SGSM1: variants seen among roughly 807,000 people sequenced by gnomAD.
The protein encoded by SGSM1 is small G protein signaling modulator 1, also known as RUN and TBC1 domain containing 2.
In SGSM1, 73 loss-of-function variants were observed where a neutral mutation model predicts 133.8. The ratio of observed to expected loss-of-function variants is 0.55; its 90% CI spans 0.45 to 0.66. SGSM1 has a LOEUF of 0.66. Among genes scored for constraint, SGSM1 ranks in the 30% least tolerant of loss-of-function variants. The pLI is 0.00. For missense variants in SGSM1, 1,213 were observed against 1,448.1 expected (o/e 0.84, Z 2.64); for synonymous variants, 563 against 573.0 (o/e 0.98, Z 0.25).
chr22:24,904,351 C>T (rs372803277), intron 20 of SGSM1, among the ~76,000 whole-genome samples: 18 of 151,914 alleles, frequency 1.2e-4, no homozygotes, highest in East Asian at 1.9e-4. Flanking sequence ...GAGGCCGAGA[C>T]GGGCGGGTCA....
intron 22 of SGSM1, among the ~76,000 whole-genome samples, chr22:24,913,579 C>A (rs1195168036): frequency 6.6e-6 from 1 of 152,230 alleles, no homozygotes; most frequent in Non-Finnish European, 1.5e-5. Flanking sequence ...GCTTTATTAT[C>A]TACACACTAG....
At chr22:24,895,695 CAACA>C (rs1174135755) in intron 18 of SGSM1, among the ~76,000 whole-genome samples, 1 of 152,052 alleles carries the variant, frequency 6.6e-6, no homozygotes, top group Non-Finnish European at 1.5e-5. Context: ...ATATGTTGTT[CAACA>C]ACTTTCCGTT....
intron 9 of SGSM1, among the ~76,000 whole-genome samples, chr22:24,862,110 A>G (rs1302923845): frequency 2.0e-5 from 3 of 151,030 alleles, no homozygotes; most frequent in Non-Finnish European, 4.4e-5. Context: ...ATGCACCACC[A>G]TGCTAGTTTT....
chr22:24,893,590 A>G lies in SGSM1; in HGVS notation c.1930A>G (p.Arg644Gly). Residue 644 changes from arginine (R) to glycine (G), a missense_variant, in exon 17 of 25, where the codon AGG (arginine) becomes GGG (glycine). Transcript: ENST00000400358. The stretch of plus-strand genomic sequence containing the variant: ...CAGCCACCTGCACCGGATGTTGCAC[A>G]GGGACTCAACCATCAGCAATGAGGT... ...LDSHLHRMLH[R>G]DSTISNESSQ... The G allele has an allele frequency of 6.3e-7, 1 of 1,583,794 alleles. No individual in the cohort carries two copies. Among genetic ancestry groups the G allele is most frequent in the South Asian group, 1.2e-5 (1 of 84,520 alleles).
intron 2 of SGSM1, among the ~76,000 whole-genome samples, chr22:24,833,151 T>G (rs553851906): frequency 1.3e-5 from 2 of 151,106 alleles, no homozygotes; most frequent in Admixed American, 1.3e-4. Flanking sequence ...GCCAGGCTGG[T>G]CTGGAACTCC....
chr22:24,898,181 C>T lies in SGSM1; in HGVS notation c.2232C>T (p.Asn744=), dbSNP rs1932975408. Residue 744 remains asparagine (N), a synonymous_variant, in exon 19 of 25, where the codon AAC becomes AAT. Transcript: ENST00000400358. ...TEDSVLDAQR[N]TPTVLRPRDG... Reference sequence around the variant, plus strand: ...ACAGTGTCTTGGACGCCCAGCGGAACACCCCCACGGTGCTGCGACCTAGGG... The same window carrying T: ...ACAGTGTCTTGGACGCCCAGCGGAATACCCCCACGGTGCTGCGACCTAGGG... The T allele has an allele frequency of 6.2e-7, 1 of 1,613,910 alleles. No individual in the cohort carries two copies. The highest frequency in any genetic ancestry group is 1.3e-5 in the African/African-American group (1 of 74,934).
In SGSM1 at chr22:24,857,666, T is replaced by C. The variant is rs1285820045; in HGVS notation, c.801+1986T>C. Among the ~76,000 whole-genome samples, 3 of 152,250 alleles carry C rather than the reference T, an allele frequency of 2.0e-5. No homozygotes were observed. In the East Asian group the frequency reaches 5.8e-4, roughly 29 times the overall value. On this transcript the variant is annotated intron_variant, in intron 8 of 24. Coordinates refer to ENST00000400358, the MANE Select transcript of SGSM1 (RefSeq NM_001098497.3). ...GAGTTCCATCTTCCGTATCACTTTTTGACTTAGAGTCATCAGTGCCCTCAT... is the reference window on the plus strand; with the variant it reads ...GAGTTCCATCTTCCGTATCACTTTTCGACTTAGAGTCATCAGTGCCCTCAT...
chr22:24,904,960 A>G, intron 20 of SGSM1, 145 bp from the exon 21 acceptor site: 1 of 719,722 alleles, frequency 1.4e-6, no homozygotes, highest in Admixed American at 2.0e-5. Flanking sequence ...GTTTGAAGAG[A>G]GAGATCGGGG....
At chr22:24,851,812 G>A (rs1477917505) in intron 5 of SGSM1, among the ~76,000 whole-genome samples, 2 of 152,180 alleles carry the variant, frequency 1.3e-5, no homozygotes, top group Non-Finnish European at 2.9e-5. Context: ...TGATGGGATG[G>A]GGAACAAAGT....
chr22:24,826,480 T>C (rs1238029836), intron 2 of SGSM1, among the ~76,000 whole-genome samples: 1 of 152,218 alleles, frequency 6.6e-6, no homozygotes, highest in African/African-American at 2.4e-5. Flanking sequence ...CAGTAAGCAT[T>C]AGCTGCTGGT....
Position 24,859,696 on chromosome 22 carries a change from G to A in SGSM1, c.802-20G>A. ...CAACTCCAGCACCATGGCCAGACCTGAGTCCTCCTCTCTCTGCAGAGGGAC... is the reference window on the plus strand; with the variant it reads ...CAACTCCAGCACCATGGCCAGACCTAAGTCCTCCTCTCTCTGCAGAGGGAC... On this transcript the variant is annotated intron_variant, in intron 8 of 24. Coordinates refer to ENST00000400358, the MANE Select transcript of SGSM1 (RefSeq NM_001098497.3). The A allele has an allele frequency of 6.2e-7, 1 of 1,613,346 alleles. No individual in the cohort carries two copies. The highest frequency in any genetic ancestry group is 8.5e-7 in the Non-Finnish European group (1 of 1,179,788).
chr22:24,833,458 G>C (rs914051110), intron 2 of SGSM1, among the ~76,000 whole-genome samples: 3 of 151,544 alleles, frequency 2.0e-5, no homozygotes, highest in Non-Finnish European at 4.4e-5. Context: ...AAGAGATCGA[G>C]ACCATCCTGG....
intron 2 of SGSM1, among the ~76,000 whole-genome samples, chr22:24,815,657 A>G (rs1219985575): frequency 6.6e-6 from 1 of 152,240 alleles, no homozygotes; most frequent in Non-Finnish European, 1.5e-5. Context: ...AGGTAGGAGA[A>G]TGGCGTGAAC....
At chr22:24,865,348 G>A (rs531531561) in intron 9 of SGSM1, among the ~76,000 whole-genome samples, 1 of 152,296 alleles carries the variant, frequency 6.6e-6, no homozygotes. Context: ...GGCTAGACTG[G>A]GTATGGGAGG....
At position 24,905,134 on chromosome 22, in the gene SGSM1, A is replaced by G; in HGVS notation, c.2765A>G (p.Tyr922Cys). Residue 922 changes from tyrosine to cysteine, a missense_variant, in exon 21 of 25, where the codon TAT becomes TGT. Physicochemically the swap from Tyr to Cys is radical, Grantham distance 194. Transcript: ENST00000400358. ...SYIWQHIEIG[Y>C]VQGMCDLLAP... ...ATCTGGCAGCACATTGAGATCGGCT[A>G]TGTCCAGGGCATGTGTGATCTTCTG... The G allele has an allele frequency of 6.2e-7, 1 of 1,613,990 alleles. No homozygotes were observed. The highest frequency in any genetic ancestry group is 8.5e-7 in the Non-Finnish European group (1 of 1,179,888).
At chr22:24,852,744 T>C (rs1297874867) in intron 5 of SGSM1, among the ~76,000 whole-genome samples, 1 of 152,102 alleles carries the variant, frequency 6.6e-6, no homozygotes, top group Non-Finnish European at 1.5e-5. Context: ...TGCCTGGTCG[T>C]TTTTTATTTA....
intron 2 of SGSM1, among the ~76,000 whole-genome samples, chr22:24,836,602 A>G (rs1206035604): frequency 6.6e-6 from 1 of 152,180 alleles, no homozygotes; most frequent in Non-Finnish European, 1.5e-5. Context: ...CCACATCCCC[A>G]CCAACACTTA....
At chr22:24,813,988 A>G (rs1243320361) in intron 2 of SGSM1, 1 of 152,240 alleles carries the variant, frequency 6.6e-6, no homozygotes, top group African/African-American at 2.4e-5. Context: ...TGACCCCAAC[A>G]ATGCTTGTGG....
intron 2 of SGSM1, among the ~76,000 whole-genome samples, chr22:24,816,478 C>T (rs1211093716): frequency 3.8e-5 from 5 of 132,010 alleles, no homozygotes; most frequent in Non-Finnish European, 8.1e-5. Flanking sequence ...TGCAGTGGCA[C>T]GATCTCAGCT....
Sources: allele counts gnomAD v4.1 joint callset (sites outside exome capture counted in the v4.1 genomes callset), GRCh38; gene constraint gnomAD v4.1.1; transcripts MANE v1.5; gene names NCBI Gene and HGNC (gene_info 2026-07-23, HGNC 2026-07-21).